The following ZC3H12B variants were observed in gnomAD, a reference collection of about 807,000 sequenced individuals.
ZC3H12B encodes probable ribonuclease ZC3H12B.
ZC3H12B carries 7 observed loss-of-function variants against 43.9 expected under a neutral mutation model. That is an observed-to-expected ratio of 0.16 (90% confidence interval 0.09 to 0.30). The LOEUF is 0.30. ZC3H12B is among the 10% of genes least tolerant of loss of function. ZC3H12B has a pLI of 1.00. For synonymous variants in ZC3H12B, 222 were observed against 241.7 expected, an observed-to-expected ratio of 0.92 and a Z score of 0.76; for missense variants, 475 against 670.2, an observed-to-expected ratio of 0.71 and a Z score of 3.22.
intron 2 of ZC3H12B, among the ~76,000 whole-genome samples, chrX:65,395,627 G>A (rs1013918950): frequency 8.9e-6 from 1 of 111,963 alleles, no homozygotes; most frequent in East Asian, 2.8e-4. Flanking sequence ...GTTCATCAGG[G>A]ATATTGGCCT....
chrX:65,457,924 A>G (rs1371719143), intron 3 of ZC3H12B, among the ~76,000 whole-genome samples: 1 of 65,642 alleles, frequency 1.5e-5, no homozygotes, highest in African/African-American at 7.2e-5. Context: ...GGACACAAAC[A>G]CTGCGGAAGG....
chrX:65,038,303 C>G, the ZC3H12B span, among the ~76,000 whole-genome samples: 3 of 111,043 alleles, frequency 2.7e-5, no homozygotes, highest in Non-Finnish European at 5.7e-5. Flanking sequence ...TTAAAGTTAA[C>G]TTTAATTCAC....
At chrX:65,259,087 A>G in the ZC3H12B span, among the ~76,000 whole-genome samples, 1 of 112,284 alleles carries the variant, frequency 8.9e-6, no homozygotes, top group South Asian at 3.6e-4. Context: ...GTGGAACTAA[A>G]ACGAAGCTTG....
intron 4 of ZC3H12B, 146 bp from the exon 10 acceptor site, chrX:65,501,643 G>C: frequency 1.9e-6 from 1 of 540,170 alleles, no homozygotes; most frequent in Non-Finnish European, 2.9e-6. Flanking sequence ...GGTGTTGTCT[G>C]TCTCTCATCT....
chrX:65,227,450 C>G, the ZC3H12B span, among the ~76,000 whole-genome samples: 1 of 110,831 alleles, frequency 9.0e-6, no homozygotes, highest in Admixed American at 9.6e-5. Context: ...AAAATTGACA[C>G]CCTAACATCA....
At chrX:65,456,288 C>T (rs1239825053) in intron 3 of ZC3H12B, among the ~76,000 whole-genome samples, 94 of 110,761 alleles carry the variant, frequency 8.5e-4, no homozygotes, top group Non-Finnish European at 1.6e-3. Context: ...GGAAGATCTA[C>T]CAAGCAAATG....
At chrX:65,053,886 T>G in the ZC3H12B span, among the ~76,000 whole-genome samples, 36 of 112,052 alleles carry the variant, frequency 3.2e-4, no homozygotes, top group African/African-American at 1.1e-3. Context: ...TCATGTGTCT[T>G]TTGGCTGCAT....
the ZC3H12B span, among the ~76,000 whole-genome samples, chrX:65,086,494 CCG>C: frequency 9.0e-6 from 1 of 111,535 alleles, no homozygotes; most frequent in East Asian, 2.8e-4. Context: ...TGCCCCGCCA[CCG>C]AAATCCATAT....
At chrX:65,076,759 AAAAT>A in the ZC3H12B span, among the ~76,000 whole-genome samples, 1 of 109,894 alleles carries the variant, frequency 9.1e-6, no homozygotes, top group Non-Finnish European at 1.9e-5. Context: ...TTCTTTTTTA[AAAAT>A]AAATAATTCC....
chrX:65,506,509 T>C (rs893997580), exon 5 of ZC3H12B: 1 of 112,392 alleles, frequency 8.9e-6, no homozygotes, highest in African/African-American at 3.2e-5. Flanking sequence ...GGACTAAGCA[T>C]GTGTCCTTCA....
upstream of ZC3H12B, among the ~76,000 whole-genome samples, chrX:65,487,521 C>T (rs773206395): frequency 3.6e-5 from 4 of 110,502 alleles, no homozygotes; most frequent in African/African-American, 1.3e-4. Flanking sequence ...GCCTGGGCAA[C>T]AGAGCAAGAC....
chrX:65,401,779 T>G, intron 3 of ZC3H12B, among the ~76,000 whole-genome samples: 1 of 111,703 alleles, frequency 9.0e-6, no homozygotes, highest in East Asian at 2.8e-4. Context: ...ACCAGAGTTG[T>G]GAGGCCCCCA....
At chrX:65,223,453 C>A in the ZC3H12B span, among the ~76,000 whole-genome samples, 1 of 112,328 alleles carries the variant, frequency 8.9e-6, no homozygotes, top group East Asian at 2.8e-4. Context: ...GTAAATGCAA[C>A]AAAGACAGAT....
rs1569396779 is a variant in ZC3H12B at position 65,406,575 on chromosome X, G to GGCGGGGCTGA, written n.407+7880_407+7881insAGCGGGGCTG. 1.7e-3 allele frequency among the ~76,000 whole-genome samples: 125 copies of GGCGGGGCTGA among 75,090 alleles called. 2 individuals are homozygous for GGCGGGGCTGA. Among genetic ancestry groups the GGCGGGGCTGA allele is most frequent in the African/African-American group, 6.6e-3 (113 of 17,247 alleles). The allele number at this position is 75,090 out of a possible 115,157, so 65.2% of individuals were successfully genotyped here. A position where few individuals can be genotyped will look rare whatever the true frequency, so the allele number is the denominator to read the frequency against. The stretch of plus-strand genomic sequence containing the variant: ...GCCCGATCGGGGCTGAACGGGGCTG[G>GGCGGGGCTGA]GCGGGGCTGGGCGGGGCTGGGCGGG... On this transcript the variant is annotated intron_variant and non_coding_transcript_variant, in intron 3 of 5. Transcript: ENST00000617377.
At chrX:65,173,333 G>T in the ZC3H12B span, among the ~76,000 whole-genome samples, 1 of 111,889 alleles carries the variant, frequency 8.9e-6, no homozygotes, top group East Asian at 2.8e-4. Flanking sequence ...TGAGATGATG[G>T]TGTTTTCTAA....
At chrX:65,202,679 G>A in the ZC3H12B span, among the ~76,000 whole-genome samples, 1 of 111,350 alleles carries the variant, frequency 9.0e-6, no homozygotes, top group African/African-American at 3.3e-5. Flanking sequence ...CACTGAGACT[G>A]CGCTGGTTCA....
At chrX:65,104,123 C>T in the ZC3H12B span, among the ~76,000 whole-genome samples, 4 of 111,438 alleles carry the variant, frequency 3.6e-5, no homozygotes, top group African/African-American at 9.8e-5. Flanking sequence ...CACACGTCTA[C>T]AACCATCTGA....
the ZC3H12B span, among the ~76,000 whole-genome samples, chrX:65,164,368 G>T: frequency 9.0e-6 from 1 of 111,365 alleles, no homozygotes; most frequent in Non-Finnish European, 1.9e-5. Context: ...CAGAATGCAA[G>T]ATCTGAAAAA....
chrX:65,122,674 A>G, the ZC3H12B span, among the ~76,000 whole-genome samples: 2 of 111,268 alleles, frequency 1.8e-5, no homozygotes, highest in Non-Finnish European at 3.8e-5. Context: ...GGCTCAAAAT[A>G]AAGGGATGGA....
Sources: gnomAD v4.1 joint callset for allele counts (sites outside exome capture counted in the v4.1 genomes callset) on GRCh38, gnomAD v4.1.1 for gene constraint, MANE v1.5 for transcripts, NCBI Gene and HGNC (gene_info 2026-07-23, HGNC 2026-07-21) for gene names.